NUDCD3: variants seen among roughly 807,000 people sequenced by gnomAD.
The protein encoded by NUDCD3 is NudC domain containing 3.
NUDCD3 carries 13 observed loss-of-function variants against 39.7 expected under a neutral mutation model. The observed-to-expected ratio is 0.33, with a 90% CI of 0.21 to 0.52. NUDCD3 has a LOEUF of 0.52. Ranked by LOEUF, NUDCD3 falls within the 20% of genes least tolerant of loss-of-function variation. The pLI, the probability that NUDCD3 is intolerant of heterozygous loss-of-function variation, is 0.96. For missense variants in NUDCD3, 453 were observed against 458.1 expected, an observed-to-expected ratio of 0.99 and a Z score of 0.10; for synonymous variants, 175 against 172.4, an observed-to-expected ratio of 1.02 and a Z score of -0.12.
chr7:44,479,817 G>T (rs1800451481), intron 2 of NUDCD3, among the ~76,000 whole-genome samples: 1 of 152,212 alleles, frequency 6.6e-6, no homozygotes. Context: ...AAACCATCCT[G>T]AACACTGGTG....
chr7:44,394,425 C>T (rs1255330520), intron 4 of NUDCD3, among the ~76,000 whole-genome samples: 1 of 152,196 alleles, frequency 6.6e-6, no homozygotes, highest in Non-Finnish European at 1.5e-5. Context: ...AACTCTACCT[C>T]GTCTTTACCA....
chr7:44,434,461 C>T (rs149454525), intron 2 of NUDCD3, among the ~76,000 whole-genome samples: 3 of 152,292 alleles, frequency 2.0e-5, no homozygotes, highest in Admixed American at 6.5e-5. Flanking sequence ...TGCCTGCTGC[C>T]CAGCTCTCAC....
At position 44,381,967 on chromosome 7, in the gene NUDCD3, G is replaced by A. The variant is rs1248670225; in HGVS notation, c.*4044C>T. The A allele has an allele frequency of 1.3e-5, 2 of 152,256 alleles. No individual in the cohort carries two copies. The highest frequency in any genetic ancestry group is 2.9e-5 in the Non-Finnish European group (2 of 68,082). The allele number at this position is 152,256 out of a possible 1,614,324, so 9.4% of individuals were successfully genotyped here. On this transcript the variant is annotated 3_prime_UTR_variant, in exon 6 of 6. Coordinates refer to ENST00000355451, the MANE Select transcript of NUDCD3 (RefSeq NM_015332.4). ...CTGGTCTCCCCATCACCCTCTGAGG[G>A]GGAAGCAGGAAGTTGTGAGGGGTAG...
At chr7:44,389,276 G>A (rs1352177391) in intron 5 of NUDCD3, among the ~76,000 whole-genome samples, 1 of 152,238 alleles carries the variant, frequency 6.6e-6, no homozygotes, top group Non-Finnish European at 1.5e-5. Flanking sequence ...TGAGGATCCA[G>A]GTAGGGGTTT....
chr7:44,462,194 AAAAG>A (rs1800029865), intron 2 of NUDCD3, among the ~76,000 whole-genome samples: 2 of 152,232 alleles, frequency 1.3e-5, no homozygotes, highest in Non-Finnish European at 1.5e-5. Flanking sequence ...CAGAAAGAGA[AAAAG>A]AAATGCGTAT....
chr7:44,434,001 A>T, intron 2 of NUDCD3, among the ~76,000 whole-genome samples: 1 of 152,196 alleles, frequency 6.6e-6, no homozygotes, highest in East Asian at 1.9e-4. Context: ...TGATGGAAAT[A>T]CGGTGAATTT....
chr7:44,460,776 ACCCTGGAT>A (rs1414776968), intron 2 of NUDCD3, among the ~76,000 whole-genome samples: 1 of 152,238 alleles, frequency 6.6e-6, no homozygotes, highest in African/African-American at 2.4e-5. Flanking sequence ...AAAAGTTTAA[ACCCTGGAT>A]CCAGTACTAA....
chr7:44,412,734 T>C (rs1482306705), intron 3 of NUDCD3, among the ~76,000 whole-genome samples: 1 of 151,912 alleles, frequency 6.6e-6, no homozygotes, highest in Non-Finnish European at 1.5e-5. Context: ...GAGGCCATCC[T>C]GGCTAACACG....
chr7:44,460,159 T>C (rs181329721), intron 2 of NUDCD3, among the ~76,000 whole-genome samples: 1 of 152,098 alleles, frequency 6.6e-6, no homozygotes, highest in Non-Finnish European at 1.5e-5. Context: ...AATCAACTGA[T>C]AGAAGAAAAG....
intron 2 of NUDCD3, among the ~76,000 whole-genome samples, chr7:44,454,325 T>A (rs1799851855): frequency 6.6e-6 from 1 of 151,800 alleles, no homozygotes; most frequent in African/African-American, 2.4e-5. Context: ...GGTGACGGAG[T>A]GAGACTCTGT....
intron 4 of NUDCD3, among the ~76,000 whole-genome samples, chr7:44,398,839 G>A (rs1015566432): frequency 6.6e-6 from 1 of 152,242 alleles, no homozygotes; most frequent in Non-Finnish European, 1.5e-5. Flanking sequence ...CAGCGTGGCA[G>A]AGGTCCAGGG....
chr7:44,474,324 T>G (rs1042163566), intron 2 of NUDCD3, among the ~76,000 whole-genome samples: 1 of 152,234 alleles, frequency 6.6e-6, no homozygotes, highest in Non-Finnish European at 1.5e-5. Flanking sequence ...GTTGCTTTTT[T>G]CTAACACATC....
At chr7:44,416,719 T>G (rs1799032024) in intron 3 of NUDCD3, among the ~76,000 whole-genome samples, 1 of 152,176 alleles carries the variant, frequency 6.6e-6, no homozygotes, top group Non-Finnish European at 1.5e-5. Flanking sequence ...CACTATTAAA[T>G]AAGCCACTGA....
intron 3 of NUDCD3, among the ~76,000 whole-genome samples, chr7:44,420,876 T>C (rs1000149579): frequency 2.0e-5 from 3 of 152,150 alleles, no homozygotes; most frequent in African/African-American, 7.2e-5. Context: ...GAAAAACCGG[T>C]ACCAGCCACT....
chr7:44,425,979 G>T, intron 3 of NUDCD3: 1 of 217,626 alleles, frequency 4.6e-6, no homozygotes, highest in Non-Finnish European at 7.8e-6. Flanking sequence ...ATCATGACAT[G>T]GTGTGGCTCC....
intron 1 of NUDCD3, among the ~76,000 whole-genome samples, chr7:44,485,977 G>A (rs1800602198): frequency 6.6e-6 from 1 of 152,166 alleles, no homozygotes; most frequent in Non-Finnish European, 1.5e-5. Flanking sequence ...TACAAGAGGG[G>A]GCATGACAAG....
intron 1 of NUDCD3, among the ~76,000 whole-genome samples, chr7:44,487,791 T>C (rs192056317): frequency 4.0e-5 from 6 of 151,272 alleles, no homozygotes; most frequent in Non-Finnish European, 8.8e-5. Flanking sequence ...TTTCTACTAC[T>C]AAAAATACAA....
chr7:44,421,457 T>C (rs1328148505), intron 3 of NUDCD3, among the ~76,000 whole-genome samples: 10 of 86,976 alleles, frequency 1.1e-4, no homozygotes, highest in African/African-American at 1.4e-4. Flanking sequence ...AATAAAGGGA[T>C]AGAGGAATAT....
chr7:44,398,408 T>C (rs1798661222), intron 4 of NUDCD3, among the ~76,000 whole-genome samples: 1 of 152,196 alleles, frequency 6.6e-6, no homozygotes, highest in South Asian at 2.1e-4. Context: ...TTGCTTGACT[T>C]TGATGGTGCT....
Sources: allele counts gnomAD v4.1 joint callset (sites outside exome capture counted in the v4.1 genomes callset), GRCh38; gene constraint gnomAD v4.1.1; transcripts MANE v1.5; gene names NCBI Gene and HGNC (gene_info 2026-07-23, HGNC 2026-07-21).